CSMD1: variants seen among roughly 807,000 people sequenced by gnomAD.
CSMD1 encodes CUB and Sushi multiple domains 1.
Under a neutral mutation model 417.5 loss-of-function variants are expected in CSMD1, and 213 were observed. The ratio of observed to expected loss-of-function variants is 0.51; its 90% CI spans 0.46 to 0.57. The LOEUF is 0.57. CSMD1 is among the 20% of genes least tolerant of loss of function. CSMD1 has a pLI of 0.00. For missense variants in CSMD1, 6,923 were observed against 4,529.7 expected, an observed-to-expected ratio of 1.53 and a Z score of -15.17; for synonymous variants, 2,862 against 1,736.8, an observed-to-expected ratio of 1.65 and a Z score of -16.11.
intron 2 of CSMD1, among the ~76,000 whole-genome samples, chr8:4,589,412 A>G (rs181349911): frequency 3.9e-5 from 6 of 152,300 alleles, no homozygotes; most frequent in Non-Finnish European, 7.4e-5. Context: ...ATAGTAAGGA[A>G]TAGACTATTT....
intron 10 of CSMD1, among the ~76,000 whole-genome samples, chr8:3,553,890 C>T (rs994128194): frequency 6.6e-6 from 1 of 152,128 alleles, no homozygotes. Context: ...ATATCCACAA[C>T]AGTCATATTT....
chr8:3,882,586 G>A (rs992653177), intron 5 of CSMD1, among the ~76,000 whole-genome samples: 7 of 152,170 alleles, frequency 4.6e-5, no homozygotes, highest in African/African-American at 1.7e-4. Flanking sequence ...AGGCTAGAAT[G>A]TTCATAGTAG....
chr8:3,699,103 A>G (rs1309309578), intron 7 of CSMD1, among the ~76,000 whole-genome samples: 1 of 152,220 alleles, frequency 6.6e-6, no homozygotes, highest in East Asian at 1.9e-4. Context: ...TGACCTTCCT[A>G]AAAGCAAGCA....
intron 3 of CSMD1, among the ~76,000 whole-genome samples, chr8:4,300,927 A>G (rs567448919): frequency 6.6e-6 from 1 of 152,214 alleles, no homozygotes; most frequent in African/African-American, 2.4e-5. Flanking sequence ...CTTAATCCAG[A>G]CTATCGTTGT....
chr8:3,641,711 C>G (rs2117318916), intron 7 of CSMD1, among the ~76,000 whole-genome samples: 1 of 152,294 alleles, frequency 6.6e-6, no homozygotes, highest in African/African-American at 2.4e-5. Flanking sequence ...GAACAGGCTG[C>G]AGGCTAAATG....
chr8:3,007,180 T>TC (rs1211137092), intron 52 of CSMD1, among the ~76,000 whole-genome samples: 3 of 149,866 alleles, frequency 2.0e-5, no homozygotes, highest in Admixed American at 6.6e-5. Context: ...AAAATGCTCA[T>TC]CATCACTGGC....
intron 39 of CSMD1, among the ~76,000 whole-genome samples, chr8:3,156,164 C>CCATATAGAGTT (rs1334937797): frequency 3.3e-5 from 5 of 152,202 alleles, no homozygotes; most frequent in African/African-American, 1.2e-4. Flanking sequence ...TAATGTTCAT[C>CCATATAGAGTT]CATATAGAGT....
intron 17 of CSMD1, among the ~76,000 whole-genome samples, chr8:3,395,308 T>C (rs1264894546): frequency 6.6e-6 from 1 of 152,198 alleles, no homozygotes; most frequent in Non-Finnish European, 1.5e-5. Flanking sequence ...AATTGCCACT[T>C]TTTCTCGCTT....
intron 3 of CSMD1, among the ~76,000 whole-genome samples, chr8:4,384,612 A>C (rs1803324849): frequency 6.6e-6 from 1 of 151,508 alleles, no homozygotes; most frequent in African/African-American, 2.4e-5. Flanking sequence ...AGAAAAATAA[A>C]ATAGAAGATT....
chr8:3,921,657 C>T (rs1048268624), intron 5 of CSMD1, among the ~76,000 whole-genome samples: 1 of 151,968 alleles, frequency 6.6e-6, no homozygotes, highest in Non-Finnish European at 1.5e-5. Flanking sequence ...ATTAGTTGTT[C>T]AGGCGTATGT....
chr8:3,148,204 CCTCTG>C (rs1210053807), intron 40 of CSMD1, among the ~76,000 whole-genome samples: 1 of 152,158 alleles, frequency 6.6e-6, no homozygotes, highest in Admixed American at 6.5e-5. Context: ...ATTGTGGTCA[CCTCTG>C]CTATATTCCC....
At chr8:3,570,515 T>G (rs1479585806) in intron 10 of CSMD1, among the ~76,000 whole-genome samples, 2 of 152,046 alleles carry the variant, frequency 1.3e-5, no homozygotes. Flanking sequence ...CTCAGGTGGT[T>G]GCAGACGTCT....
At chr8:4,288,082 C>T (rs1472011303) in intron 3 of CSMD1, among the ~76,000 whole-genome samples, 3 of 152,176 alleles carry the variant, frequency 2.0e-5, no homozygotes, top group African/African-American at 7.2e-5. Flanking sequence ...TTTACTTTTA[C>T]TGAGCCTTAG....
At chr8:4,354,872 G>GTGTC (rs1801313052) in intron 3 of CSMD1, among the ~76,000 whole-genome samples, 1 of 129,342 alleles carries the variant, frequency 7.7e-6, no homozygotes, top group Non-Finnish European at 1.6e-5. Context: ...TGTAGTGTGT[G>GTGTC]TGTGTGTGTG....
chr8:4,810,774 A>G (rs1798852023), intron 1 of CSMD1, among the ~76,000 whole-genome samples: 1 of 152,228 alleles, frequency 6.6e-6, no homozygotes, highest in African/African-American at 2.4e-5. Flanking sequence ...AGCTGAAGAA[A>G]GTGCCTCGCA....
intron 1 of CSMD1, among the ~76,000 whole-genome samples, chr8:4,899,365 A>G (rs1804715218): frequency 6.6e-6 from 1 of 152,222 alleles, no homozygotes; most frequent in Non-Finnish European, 1.5e-5. Context: ...ACTCAAAATA[A>G]AGATGAAATA....
At chr8:2,944,109 A>G (rs1802063113) in intron 68 of CSMD1, among the ~76,000 whole-genome samples, 1 of 152,164 alleles carries the variant, frequency 6.6e-6, no homozygotes, top group South Asian at 2.1e-4. Context: ...TTTTACAACT[A>G]CTTATCTTTT....
intron 50 of CSMD1, among the ~76,000 whole-genome samples, chr8:3,049,165 T>C (rs1213978660): frequency 2.0e-5 from 3 of 152,172 alleles, no homozygotes; most frequent in Non-Finnish European, 4.4e-5. Context: ...TCTTTGAAGA[T>C]AGTCTGATGG....
At chr8:4,127,569 G>C (rs1199297753) in intron 3 of CSMD1, among the ~76,000 whole-genome samples, 3 of 151,176 alleles carry the variant, frequency 2.0e-5, no homozygotes, top group East Asian at 2.0e-4. Flanking sequence ...CCTTTCCACA[G>C]AGGGATTTTC....
Sources: allele counts gnomAD v4.1 joint callset (sites outside exome capture counted in the v4.1 genomes callset), GRCh38; gene constraint gnomAD v4.1.1; transcripts MANE v1.5; gene names NCBI Gene and HGNC (gene_info 2026-07-23, HGNC 2026-07-21).